D2HGDH: variants seen among roughly 807,000 people sequenced by gnomAD.
The protein encoded by D2HGDH is D-2-hydroxyglutarate dehydrogenase.
D2HGDH carries 31 observed loss-of-function variants against 46.9 expected under a neutral mutation model. The ratio of observed to expected loss-of-function variants is 0.66; its 90% CI spans 0.50 to 0.89. D2HGDH has a LOEUF of 0.89. Ranked by LOEUF, D2HGDH falls within the 40% of genes least tolerant of loss-of-function variation. D2HGDH has a pLI of 0.00. For synonymous variants in D2HGDH, 364 were observed against 332.6 expected, an observed-to-expected ratio of 1.09 and a Z score of -1.03; for missense variants, 698 against 720.8, an observed-to-expected ratio of 0.97 and a Z score of 0.36.
intron 8 of D2HGDH, 91 bp from the exon 9 acceptor site, chr2:241,755,758 A>G (rs1345035270): frequency 1.2e-6 from 2 of 1,609,650 alleles, no homozygotes; most frequent in African/African-American, 2.7e-5. Context: ...GATACAGAAC[A>G]TGCTGCTGCC....
intron 2 of D2HGDH, chr2:241,735,919 C>T (rs1692663644): frequency 1.7e-5 from 4 of 241,578 alleles, no homozygotes; most frequent in Non-Finnish European, 3.3e-5. Context: ...CCCGCCACCA[C>T]GTTCCGCTAA....
At chr2:241,767,593 C>T (rs1489182552) in intron 9 of D2HGDH, 117 bp from the exon 10 acceptor site, 1 of 1,455,250 alleles carries the variant, frequency 6.9e-7, no homozygotes. Context: ...GAGGGTGAGG[C>T]TCAGCCGGGG....
In D2HGDH at chr2:241,748,953, G is replaced by A. The variant is rs1324726344; in HGVS notation, c.854-1198G>A. 5 of 1,283,818 alleles carry A rather than the reference G, an allele frequency of 3.9e-6. 1 individual carries two copies. In the Admixed American group the frequency reaches 1.2e-4, roughly 30 times the overall value. 79.5% of individuals were successfully genotyped at this position (1,283,818 alleles called of 1,614,324 possible). A position where few individuals can be genotyped will look rare whatever the true frequency, so the allele number is the denominator to read the frequency against. ...CTCTTCGCACTCCAGGTCTCAGACAGGAGTCACTCGCCTCTTCGTGCCACG... is the reference window on the plus strand; with the variant it reads ...CTCTTCGCACTCCAGGTCTCAGACAAGAGTCACTCGCCTCTTCGTGCCACG... On this transcript the variant is annotated intron_variant, in intron 6 of 9. Coordinates refer to ENST00000321264, the MANE Select transcript of D2HGDH (RefSeq NM_152783.5).
intron 2 of D2HGDH, among the ~76,000 whole-genome samples, chr2:241,736,966 G>A (rs1392781419): frequency 6.6e-6 from 1 of 151,530 alleles, no homozygotes; most frequent in African/African-American, 2.4e-5. Flanking sequence ...TAGCTGGACC[G>A]TTTTTTCTTT....
chr2:241,752,001 T>TCGGTCACCGTCACCGGGGCCTGG (rs1697317937), intron 8 of D2HGDH, among the ~76,000 whole-genome samples: 1 of 105,700 alleles, frequency 9.5e-6, no homozygotes, highest in African/African-American at 3.8e-5. Flanking sequence ...GCCTGGATAG[T>TCGGTCACCGTCACCGGGGCCTGG]GGGAGCCATT....
intron 7 of D2HGDH, 65 bp downstream of exon 7, chr2:241,750,359 GACGGCTCAGAGACCCCGGGTGGGC>G: frequency 7.0e-7 from 1 of 1,421,618 alleles, no homozygotes; most frequent in Non-Finnish European, 9.4e-7. Context: ...GGACACATGG[GACGGCTCAGAGACCCCGGGTGGGC>G]GGGGGGTGCC....
chr2:241,745,233 T>C (rs1173745429), intron 6 of D2HGDH, among the ~76,000 whole-genome samples: 1 of 152,198 alleles, frequency 6.6e-6, no homozygotes, highest in Non-Finnish European at 1.5e-5. Flanking sequence ...GACACCACTC[T>C]TAGTTACTGT....
At position 241,744,726 on chromosome 2, in the gene D2HGDH, T is replaced by C; in HGVS notation, c.702T>C (p.Thr234=). 6.2e-7 allele frequency: 1 copy of C among 1,614,242 alleles called. No individual in the cohort carries two copies. Among genetic ancestry groups the C allele is most frequent in the Non-Finnish European group, 8.5e-7 (1 of 1,180,036 alleles). ...LGLEVVLADG[T]VLDCLTSLRK... The stretch of plus-strand genomic sequence containing the variant: ...GCCCCAAGGTGCTGGCCGACGGCAC[T>C]GTCCTGGACTGCCTGACCTCCCTGA... The change falls in exon 6 of 10, where the codon ACT becomes ACC. Residue 234 remains threonine (T), a synonymous_variant. Coordinates refer to ENST00000321264, the MANE Select transcript of D2HGDH (RefSeq NM_152783.5).
chr2:241,734,942 C>G, intron 1 of D2HGDH, 191 bp from the exon 2 acceptor site: 1 of 400,290 alleles, frequency 2.5e-6, no homozygotes, highest in Non-Finnish European at 4.5e-6. Flanking sequence ...CGCCCCGAGC[C>G]TGCGCGTCGC....
chr2:241,747,653 T>TG (rs1696231797), intron 6 of D2HGDH, among the ~76,000 whole-genome samples: 1 of 151,108 alleles, frequency 6.6e-6, no homozygotes, highest in Non-Finnish European at 1.5e-5. Context: ...ACTGCAGCCT[T>TG]GAACTCCTGC....
intron 6 of D2HGDH, among the ~76,000 whole-genome samples, chr2:241,746,425 A>AT (rs1695877343): frequency 6.6e-6 from 1 of 152,298 alleles, no homozygotes; most frequent in African/African-American, 2.4e-5. Flanking sequence ...CTGCAATGTT[A>AT]CTTTTTATAG....
At chr2:241,749,960 G>C in intron 6 of D2HGDH, 191 bp from the exon 7 acceptor site, 1 of 726,580 alleles carries the variant, frequency 1.4e-6, no homozygotes. Context: ...ATCTGATGCT[G>C]GTGGTAACAC....
chr2:241,753,540 C>T (rs1426204743), intron 8 of D2HGDH, among the ~76,000 whole-genome samples: 1 of 152,196 alleles, frequency 6.6e-6, no homozygotes, highest in Non-Finnish European at 1.5e-5. Flanking sequence ...TTCTGGGAGC[C>T]CTGGGTTTTT....
At chr2:241,757,502 G>A (rs1225712491) in intron 9 of D2HGDH, among the ~76,000 whole-genome samples, 1 of 151,828 alleles carries the variant, frequency 6.6e-6, no homozygotes, top group Admixed American at 6.6e-5. Context: ...TGATGAGTGT[G>A]TCATCATCCA....
chr2:241,746,296 C>T (rs193236063), intron 6 of D2HGDH, among the ~76,000 whole-genome samples: 420 of 152,246 alleles, frequency 2.8e-3, no homozygotes, highest in African/African-American at 9.4e-3. Flanking sequence ...CGAATGCCCT[C>T]TTCTGCTGTG....
At chr2:241,735,597 A>C in intron 2 of D2HGDH, 81 bp downstream of exon 2, 1 of 1,567,880 alleles carries the variant, frequency 6.4e-7, no homozygotes, top group Non-Finnish European at 8.6e-7. Context: ...AAGCGGGCTG[A>C]GAACAACCTG....
At chr2:241,749,359 T>C (rs975744457) in intron 6 of D2HGDH, 1 of 1,285,822 alleles carries the variant, frequency 7.8e-7, no homozygotes, top group Non-Finnish European at 1.0e-6. Flanking sequence ...TTCTCTGATA[T>C]CCACATGCCT....
intron 6 of D2HGDH, chr2:241,748,892 C>T: frequency 7.7e-7 from 1 of 1,299,382 alleles, no homozygotes. Flanking sequence ...GCCTGTGGTC[C>T]TGGGAGCCCG....
intron 8 of D2HGDH, chr2:241,754,685 C>T (rs916399326): frequency 1.0e-5 from 2 of 197,186 alleles, no homozygotes; most frequent in Non-Finnish European, 2.1e-5. Flanking sequence ...CTCACTGCAG[C>T]CTCGACCTCC....
Sources: allele counts gnomAD v4.1 joint callset (sites outside exome capture counted in the v4.1 genomes callset), GRCh38; gene constraint gnomAD v4.1.1; transcripts MANE v1.5; gene names NCBI Gene and HGNC (gene_info 2026-07-23, HGNC 2026-07-21).